The following TGFA variants were observed in gnomAD, a reference collection of about 807,000 sequenced individuals.
The protein encoded by TGFA is transforming growth factor alpha.
TGFA carries 12 observed loss-of-function variants against 21.7 expected under a neutral mutation model. The observed-to-expected ratio is 0.55, with a 90% CI of 0.35 to 0.90. The LOEUF is 0.90. Ranked by LOEUF, TGFA falls within the 40% of genes least tolerant of loss-of-function variation. TGFA has a pLI of 0.01. For missense variants in TGFA, 178 were observed against 210.8 expected (o/e 0.84, Z 0.96); for synonymous variants, 79 against 88.1 (o/e 0.90, Z 0.58).
chr2:70,530,361 T>C (rs570206123), intron 1 of TGFA, among the ~76,000 whole-genome samples: 2 of 152,352 alleles, frequency 1.3e-5, no homozygotes, highest in South Asian at 4.1e-4. Context: ...GGCTTTGTCC[T>C]TGGTCATTCA....
At chr2:70,491,278 C>T (rs1204933304) in intron 2 of TGFA, among the ~76,000 whole-genome samples, 1 of 152,192 alleles carries the variant, frequency 6.6e-6, no homozygotes, top group Non-Finnish European at 1.5e-5. Context: ...TGGGGTCTCC[C>T]AGGACAAACC....
chr2:70,454,471 A>G (rs1670162708), intron 4 of TGFA, among the ~76,000 whole-genome samples: 1 of 152,214 alleles, frequency 6.6e-6, no homozygotes, highest in African/African-American at 2.4e-5. Flanking sequence ...TCTGGGCTGG[A>G]AACAGTACAT....
intron 1 of TGFA, among the ~76,000 whole-genome samples, chr2:70,527,281 A>G (rs782526991): frequency 2.6e-5 from 4 of 152,270 alleles, no homozygotes; most frequent in Non-Finnish European, 4.4e-5. Context: ...AAAATAAATA[A>G]GCATCAAGTC....
intron 1 of TGFA, among the ~76,000 whole-genome samples, chr2:70,519,622 G>T (rs1266276040): frequency 6.6e-6 from 1 of 152,168 alleles, no homozygotes; most frequent in Non-Finnish European, 1.5e-5. Context: ...AAGGTCAAAA[G>T]TAGCCATGTG....
chr2:70,481,957 C>G (rs1459156987), intron 2 of TGFA, among the ~76,000 whole-genome samples: 2 of 152,202 alleles, frequency 1.3e-5, no homozygotes, highest in Non-Finnish European at 2.9e-5. Flanking sequence ...CTTCTGAATT[C>G]CTCTCAGACC....
intron 2 of TGFA, among the ~76,000 whole-genome samples, chr2:70,473,081 G>T (rs1317218754): frequency 6.6e-6 from 1 of 152,140 alleles, no homozygotes; most frequent in Admixed American, 6.5e-5. Flanking sequence ...ATACTCCCAG[G>T]TATCAAGGCC....
rs1006006274 is a variant in TGFA, at chr2:70,514,959, A to G, written c.41-47T>C. The G allele has an allele frequency of 7.6e-6, 12 of 1,586,638 alleles. No individual in the cohort carries two copies. The African/African-American group carries it at 1.6e-4, about 21-fold the overall frequency. On this transcript the variant is annotated intron_variant, in intron 1 of 5. Coordinates refer to ENST00000295400, the MANE Select transcript of TGFA (RefSeq NM_003236.4). Reference sequence around the variant, plus strand: ...GGAAAAGGTCAGAGTCTGCTTGGCAAATGATGTCCTCAGACGCTTAGAGGG... The same window carrying G: ...GGAAAAGGTCAGAGTCTGCTTGGCAGATGATGTCCTCAGACGCTTAGAGGG...
chr2:70,529,384 C>G (rs112128240), intron 1 of TGFA, among the ~76,000 whole-genome samples: 191 of 152,362 alleles, frequency 1.3e-3, no homozygotes, highest in African/African-American at 4.5e-3. Context: ...TAAGGAGACA[C>G]TGTTCCAACC....
Position 70,450,717 on chromosome 2 carries a change from C to A in TGFA, c.*142G>T, listed in dbSNP as rs183977492. The A allele has an allele frequency of 3.4e-6, 3 of 886,256 alleles. No homozygotes were observed. The highest frequency in any genetic ancestry group is 3.3e-5 in the African/African-American group (2 of 59,984). 54.9% of individuals were successfully genotyped at this position (886,256 alleles called of 1,614,324 possible). ...GAGTTCTTGACAGAGTTTTGAAGGC[C>A]CACAAAAGGCTGCACAGGTGATTAC... On this transcript the variant is annotated 3_prime_UTR_variant, in exon 6 of 6. Coordinates refer to ENST00000295400, the MANE Select transcript of TGFA (RefSeq NM_003236.4).
chr2:70,532,422 A>G (rs1436551737), intron 1 of TGFA, among the ~76,000 whole-genome samples: 2 of 152,200 alleles, frequency 1.3e-5, no homozygotes, highest in Non-Finnish European at 2.9e-5. Flanking sequence ...ATGACATCAC[A>G]GCCCCCAGAG....
chr2:70,449,346 T>C lies in TGFA; in HGVS notation c.*1513A>G, dbSNP rs1195752514. 1 of 152,496 alleles carries C rather than the reference T, an allele frequency of 6.6e-6. No homozygotes were observed. Among genetic ancestry groups the C allele is most frequent in the African/African-American group, 2.4e-5 (1 of 41,468 alleles). The allele number at this position is 152,496 out of a possible 1,614,324, so 9.4% of individuals were successfully genotyped here. ...CTAGGTGCACTTAAGAGTTAATACATAGAAATCTTTCACTTTTCAGATATT... is the reference window on the plus strand; with the variant it reads ...CTAGGTGCACTTAAGAGTTAATACACAGAAATCTTTCACTTTTCAGATATT... On this transcript the variant is annotated 3_prime_UTR_variant, in exon 6 of 6. Coordinates refer to ENST00000295400, the MANE Select transcript of TGFA (RefSeq NM_003236.4).
At chr2:70,486,059 C>T (rs1671263670) in intron 2 of TGFA, among the ~76,000 whole-genome samples, 1 of 152,220 alleles carries the variant, frequency 6.6e-6, no homozygotes, top group African/African-American at 2.4e-5. Flanking sequence ...GTGCCCTGAA[C>T]ATATTTTTCC....
chr2:70,504,284 C>T (rs1671831909), intron 2 of TGFA, among the ~76,000 whole-genome samples: 1 of 151,292 alleles, frequency 6.6e-6, no homozygotes, highest in South Asian at 2.1e-4. Context: ...GTGGCATGTG[C>T]CTGTAGTCCC....
At chr2:70,457,382 T>G (rs1553490738) in intron 3 of TGFA, among the ~76,000 whole-genome samples, 1 of 152,146 alleles carries the variant, frequency 6.6e-6, no homozygotes, top group African/African-American at 2.4e-5. Flanking sequence ...AGGCATCCCC[T>G]CACCCTGAGC....
chr2:70,508,719 C>T (rs1282134097), intron 2 of TGFA, among the ~76,000 whole-genome samples: 2 of 152,184 alleles, frequency 1.3e-5, no homozygotes, highest in Non-Finnish European at 2.9e-5. Context: ...CTATTCAATT[C>T]CACTTTTAAA....
intron 1 of TGFA, among the ~76,000 whole-genome samples, chr2:70,546,574 A>T (rs1162704153): frequency 6.6e-6 from 1 of 152,192 alleles, no homozygotes; most frequent in Non-Finnish European, 1.5e-5. Flanking sequence ...CCCAGGCTCC[A>T]GTGATCCACC....
rs543196227 is a variant in TGFA, at chr2:70,467,795, A to C, written c.95-2059T>G. 5 of 152,354 alleles carry C rather than the reference A, an allele frequency of 3.3e-5. No homozygotes were observed. In the South Asian group the frequency reaches 1.0e-3, roughly 32 times the overall value. The allele number at this position is 152,354 out of a possible 1,614,324, so 9.4% of individuals were successfully genotyped here. A position where few individuals can be genotyped will look rare whatever the true frequency, so the allele number is the denominator to read the frequency against. On this transcript the variant is annotated intron_variant, in intron 2 of 5. Transcript: ENST00000295400. The stretch of plus-strand genomic sequence containing the variant: ...CTTTCTATTCATGAGCTGCTTCTAG[A>C]AGTGTCATCATTTTAGAAATCCCAT...
At chr2:70,467,404 C>T (rs2103704129) in intron 2 of TGFA, 1 of 152,292 alleles carries the variant, frequency 6.6e-6, no homozygotes, top group East Asian at 1.9e-4. Flanking sequence ...CAGGGTTTTC[C>T]ATCCCTGGCT....
At position 70,507,401 on chromosome 2, in the gene TGFA, G is replaced by A. The variant is rs782730239; in HGVS notation, c.94+7458C>T. On this transcript the variant is annotated intron_variant, in intron 2 of 5. Transcript: ENST00000295400. ...ATCTGTGTATATAGTTTATAAGTTC[G>A]AGTTACATCATCCAATTTTATATAC... Among the ~76,000 whole-genome samples the A allele has an allele frequency of 4.6e-5, 7 of 152,296 alleles. 1 individual carries two copies. The highest frequency in any genetic ancestry group is 2.4e-5 in the African/African-American group (1 of 41,556).
Sources: gnomAD v4.1 joint callset for allele counts (sites outside exome capture counted in the v4.1 genomes callset) on GRCh38, gnomAD v4.1.1 for gene constraint, MANE v1.5 for transcripts, NCBI Gene and HGNC (gene_info 2026-07-23, HGNC 2026-07-21) for gene names.